The following LEPR variants were observed in gnomAD, a reference collection of about 807,000 sequenced individuals.
The protein encoded by LEPR is OB receptor.
A neutral mutation model predicts 114.7 loss-of-function variants in LEPR; 56 were observed. That is an observed-to-expected ratio of 0.49 (90% CI 0.39 to 0.61). LEPR has a LOEUF of 0.61. LEPR is among the 20% of genes least tolerant of loss of function. LEPR has a pLI of 0.00. For synonymous variants in LEPR, 443 were observed against 461.4 expected (o/e 0.96, Z 0.51); for missense variants, 1,202 against 1,352.9 (o/e 0.89, Z 1.75).
intron 15 of LEPR, 74 bp downstream of exon 15, chr1:65,616,298 T>G (rs1346285230): frequency 2.2e-5 from 32 of 1,468,510 alleles, no homozygotes; most frequent in Non-Finnish European, 3.0e-5. Flanking sequence ...CTATTTTAAA[T>G]TATCTTTCAA....
intron 19 of LEPR, chr1:65,634,421 G>A: frequency 2.1e-6 from 2 of 970,012 alleles, no homozygotes; most frequent in Non-Finnish European, 2.5e-6. Flanking sequence ...TATTTAATAT[G>A]TGCCCAGATT....
chr1:65,619,786 T>C, intron 16 of LEPR, 142 bp from the exon 17 acceptor site: 1 of 706,908 alleles, frequency 1.4e-6, no homozygotes, highest in South Asian at 1.9e-5. Context: ...TGAAACTCCC[T>C]TGATAATTTA....
intron 2 of LEPR, chr1:65,431,897 ATTTTAGCTGG>A: frequency 2.5e-6 from 4 of 1,614,002 alleles, no homozygotes; most frequent in Non-Finnish European, 3.4e-6. Context: ...AGAGGAGATG[ATTTTAGCTGG>A]GAGCAGTGGT....
chr1:65,464,764 A>G (rs1389708516), intron 2 of LEPR, among the ~76,000 whole-genome samples: 1 of 152,186 alleles, frequency 6.6e-6, no homozygotes, highest in African/African-American at 2.4e-5. Flanking sequence ...GGGAGGGTGT[A>G]TGTGTCCAGG....
chr1:65,453,111 G>C (rs1165635347), intron 2 of LEPR, among the ~76,000 whole-genome samples: 3 of 152,090 alleles, frequency 2.0e-5, no homozygotes, highest in Non-Finnish European at 4.4e-5. Context: ...TATTTCTGTG[G>C]GATTGGTGGT....
chr1:65,510,970 C>A (rs1648999727), intron 2 of LEPR, among the ~76,000 whole-genome samples: 1 of 152,090 alleles, frequency 6.6e-6, no homozygotes, highest in Non-Finnish European at 1.5e-5. Flanking sequence ...AATAGACACT[C>A]CCACTGCACC....
intron 5 of LEPR, among the ~76,000 whole-genome samples, chr1:65,583,036 G>GAA (rs34090959): frequency 6.6e-6 from 1 of 151,890 alleles, no homozygotes; most frequent in African/African-American, 2.4e-5. Flanking sequence ...TAGAAAACTG[G>GAA]AAAAAATGTA....
rs777797885 is a variant in LEPR, at chr1:65,636,299, T to C, written c.2782T>C (p.Trp928Arg). ...ISEDISVDTS[W>R]KNKDEMMPTT... ...AGAAGATATCAGTGTTGATACATCA[T>C]GGAAAAATAAAGATGAGATGATGCC... is the stretch of plus-strand genomic sequence containing the variant. Residue 928 changes from tryptophan (W) to arginine (R), a missense_variant, in exon 20 of 20, where the codon TGG (tryptophan) becomes CGG (arginine). Trp to Arg is a moderately radical substitution (Grantham distance 101, BLOSUM62 -3). Coordinates refer to ENST00000349533, the MANE Select transcript of LEPR (RefSeq NM_002303.6). 8.1e-6 allele frequency: 13 copies of C among 1,613,996 alleles called. 1 individual carries two copies. In the South Asian group the frequency reaches 1.3e-4, roughly 16 times the overall value.
At chr1:65,448,693 C>A (rs1646742698) in intron 2 of LEPR, among the ~76,000 whole-genome samples, 1 of 152,146 alleles carries the variant, frequency 6.6e-6, no homozygotes, top group South Asian at 2.1e-4. Context: ...AATTCAATTT[C>A]TTTAATAAAT....
intron 2 of LEPR, chr1:65,435,983 A>G (rs998162041): frequency 2.0e-6 from 2 of 984,942 alleles, no homozygotes; most frequent in South Asian, 4.7e-5. Flanking sequence ...TACTTTGTAA[A>G]TAAAACTTGT....
chr1:65,465,480 G>T (rs959658242), intron 2 of LEPR, among the ~76,000 whole-genome samples: 1 of 152,206 alleles, frequency 6.6e-6, no homozygotes, highest in Admixed American at 6.5e-5. Context: ...GTGATGTGGT[G>T]CTGGGAGGAA....
chr1:65,427,206 G>A (rs181134189), intron 2 of LEPR, among the ~76,000 whole-genome samples: 2 of 152,246 alleles, frequency 1.3e-5, no homozygotes, highest in East Asian at 1.9e-4. Context: ...AATGTAATAC[G>A]GTATTATTAT....
intron 9 of LEPR, 25 bp from the exon 10 acceptor site, chr1:65,601,818 T>G (rs1656459692): frequency 5.6e-6 from 9 of 1,594,068 alleles, no homozygotes; most frequent in Non-Finnish European, 7.7e-6. Flanking sequence ...TGCTTTATAT[T>G]AATATTTTAA....
chr1:65,551,529 T>G (rs1433046844), intron 2 of LEPR, among the ~76,000 whole-genome samples: 1 of 152,186 alleles, frequency 6.6e-6, no homozygotes, highest in Non-Finnish European at 1.5e-5. Flanking sequence ...GGTGGTAGTT[T>G]GTATTTCTGT....
rs942990920 is a variant in LEPR, at chr1:65,636,548, A to G, written c.3031A>G (p.Lys1011Glu). 3.1e-6 allele frequency: 5 copies of G among 1,613,986 alleles called. No homozygotes were observed. In the African/African-American group the frequency reaches 6.7e-5, roughly 22 times the overall value. Residue 1011 changes from lysine to glutamate, a missense_variant, in exon 20 of 20, where the codon AAG becomes GAG. Lys to Glu is a moderately conservative substitution (Grantham distance 56, BLOSUM62 1). Transcript: ENST00000349533. ...EQGLINSSVT[K>E]CFSSKNSPLK... ...AGGGCTTATAAATAGTTCAGTCACC[A>G]AGTGCTTCTCTAGCAAAAATTCTCC...
At chr1:65,430,169 GTT>G (rs1646458859) in intron 2 of LEPR, 3 of 857,012 alleles carry the variant, frequency 3.5e-6, no homozygotes, top group Non-Finnish European at 5.0e-6. Flanking sequence ...TGTGTTTTTA[GTT>G]TCTCTGTTCC....
chr1:65,502,684 T>A (rs1316421528), intron 2 of LEPR, among the ~76,000 whole-genome samples: 1 of 152,118 alleles, frequency 6.6e-6, no homozygotes, highest in Non-Finnish European at 1.5e-5. Context: ...TATGAAGCCT[T>A]CATTGTGAGG....
chr1:65,451,287 T>A (rs1249799060), intron 2 of LEPR, among the ~76,000 whole-genome samples: 1 of 152,194 alleles, frequency 6.6e-6, no homozygotes, highest in South Asian at 2.1e-4. Context: ...TTTAATTAGA[T>A]CCCATTTGTC....
intron 2 of LEPR, among the ~76,000 whole-genome samples, chr1:65,453,655 T>C (rs1418478942): frequency 6.6e-6 from 1 of 152,242 alleles, no homozygotes; most frequent in Non-Finnish European, 1.5e-5. Flanking sequence ...CAGTTTGTTA[T>C]AATTTCTGTT....
Sources: allele counts gnomAD v4.1 joint callset (sites outside exome capture counted in the v4.1 genomes callset), GRCh38; gene constraint gnomAD v4.1.1; transcripts MANE v1.5; gene names NCBI Gene and HGNC (gene_info 2026-07-23, HGNC 2026-07-21).